CTNNA2: variants seen among roughly 807,000 people sequenced by gnomAD.
CTNNA2 encodes catenin alpha 2.
Under a neutral mutation model 101.0 loss-of-function variants are expected in CTNNA2, and 42 were observed. The ratio of observed to expected loss-of-function variants is 0.42; its 90% CI spans 0.32 to 0.54. The LOEUF is 0.54. Ranked by LOEUF, CTNNA2 falls within the 20% of genes least tolerant of loss-of-function variation. The pLI is 0.14. For synonymous variants in CTNNA2, 450 were observed against 456.4 expected, an observed-to-expected ratio of 0.99 and a Z score of 0.18; for missense variants, 871 against 1,223.1, an observed-to-expected ratio of 0.71 and a Z score of 4.29.
chr2:80,123,196 T>A lies in CTNNA2; in HGVS notation c.1056+213399T>A, dbSNP rs551833467. Among the ~76,000 whole-genome samples, 7 of 152,320 alleles carry A rather than the reference T, an allele frequency of 4.6e-5. No individual in the cohort carries two copies. In the South Asian group the frequency reaches 1.4e-3, roughly 32 times the overall value. ...CCTTTAGAAGCCAGTCGTTGGGCTTTGCCTCATTCAGCTCCCAAGCATTTC... is the reference window on the plus strand; with the variant it reads ...CCTTTAGAAGCCAGTCGTTGGGCTTAGCCTCATTCAGCTCCCAAGCATTTC... On this transcript the variant is annotated intron_variant, in intron 7 of 18. Coordinates refer to ENST00000402739, the MANE Select transcript of CTNNA2 (RefSeq NM_001282597.3).
intron 7 of CTNNA2, among the ~76,000 whole-genome samples, chr2:79,959,021 T>C (rs1689442660): frequency 6.6e-6 from 1 of 152,000 alleles, no homozygotes; most frequent in Non-Finnish European, 1.5e-5. Context: ...ACACCATTTG[T>C]AACCGTATCT....
chr2:79,304,878 A>G (rs546472948), intron 2 of CTNNA2, among the ~76,000 whole-genome samples: 5 of 152,326 alleles, frequency 3.3e-5, no homozygotes, highest in Middle Eastern at 3.4e-3. Flanking sequence ...ATTGCTGACT[A>G]AAGTAGTGGG....
At chr2:80,621,850 G>T (rs1237466475) in intron 18 of CTNNA2, among the ~76,000 whole-genome samples, 1 of 151,900 alleles carries the variant, frequency 6.6e-6, no homozygotes, top group African/African-American at 2.4e-5. Flanking sequence ...ACTTGGAAGT[G>T]AATACAGTAA....
chr2:79,491,235 C>G (rs1464008827), intron 4 of CTNNA2, among the ~76,000 whole-genome samples: 1 of 152,134 alleles, frequency 6.6e-6, no homozygotes. Flanking sequence ...TTGCATATGA[C>G]TTTGAAGCCC....
chr2:80,229,369 T>TA (rs1340779159), intron 7 of CTNNA2, among the ~76,000 whole-genome samples: 1 of 152,210 alleles, frequency 6.6e-6, no homozygotes, highest in Non-Finnish European at 1.5e-5. Flanking sequence ...ATTGACTGTC[T>TA]ATCAGAGGTC....
intron 7 of CTNNA2, among the ~76,000 whole-genome samples, chr2:80,151,906 T>C (rs1703723694): frequency 6.6e-6 from 1 of 152,234 alleles, no homozygotes; most frequent in Non-Finnish European, 1.5e-5. Context: ...ATCGCCAAAA[T>C]TACAGATGCT....
intron 7 of CTNNA2, among the ~76,000 whole-genome samples, chr2:80,064,813 A>G (rs907627548): frequency 3.9e-5 from 6 of 152,326 alleles, no homozygotes; most frequent in East Asian, 3.9e-4. Flanking sequence ...GTGGCTAAGT[A>G]TAGAATTGAG....
intron 7 of CTNNA2, among the ~76,000 whole-genome samples, chr2:79,921,825 A>T (rs1363302947): frequency 6.6e-6 from 1 of 152,132 alleles, no homozygotes; most frequent in Non-Finnish European, 1.5e-5. Context: ...TTTGGTGACT[A>T]TTGTAGGGAA....
At chr2:80,108,166 A>T (rs1050773897) in intron 7 of CTNNA2, among the ~76,000 whole-genome samples, 3 of 152,202 alleles carry the variant, frequency 2.0e-5, no homozygotes, top group African/African-American at 7.2e-5. Flanking sequence ...TGAAACATCT[A>T]GTAGTGGAAT....
chr2:79,878,373 A>G (rs1363341388), intron 6 of CTNNA2, among the ~76,000 whole-genome samples: 1 of 152,130 alleles, frequency 6.6e-6, no homozygotes, highest in Non-Finnish European at 1.5e-5. Context: ...CTGGTTCTAG[A>G]TCTGTAAGGA....
chr2:79,302,736 A>G (rs1373453712), intron 2 of CTNNA2, among the ~76,000 whole-genome samples: 6 of 152,168 alleles, frequency 3.9e-5, no homozygotes, highest in Admixed American at 3.9e-4. Context: ...TCTATTCGGC[A>G]CCAGGCATAA....
At chr2:79,908,432 C>T (rs1685566373) in intron 6 of CTNNA2, among the ~76,000 whole-genome samples, 1 of 152,102 alleles carries the variant, frequency 6.6e-6, no homozygotes, top group Non-Finnish European at 1.5e-5. Context: ...GTTCTTGGAC[C>T]TCTGAGAGTG....
intron 2 of CTNNA2, among the ~76,000 whole-genome samples, chr2:79,709,332 A>G (rs1685591839): frequency 6.6e-6 from 1 of 152,120 alleles, no homozygotes; most frequent in Non-Finnish European, 1.5e-5. Flanking sequence ...CAGAGAGGGG[A>G]AGAAGAAAAA....
intron 3 of CTNNA2, among the ~76,000 whole-genome samples, chr2:79,822,821 A>G (rs1678116998): frequency 6.6e-6 from 1 of 152,140 alleles, no homozygotes; most frequent in Non-Finnish European, 1.5e-5. Context: ...ACGCTTAAAG[A>G]CAAAACTCCT....
intron 7 of CTNNA2, among the ~76,000 whole-genome samples, chr2:80,285,045 T>G (rs1305437031): frequency 6.6e-6 from 1 of 152,140 alleles, no homozygotes; most frequent in Admixed American, 6.6e-5. Context: ...CTTCTAGACA[T>G]CACTTTCTTT....
intron 2 of CTNNA2, among the ~76,000 whole-genome samples, chr2:79,713,983 C>G (rs1206630455): frequency 6.6e-6 from 1 of 152,148 alleles, no homozygotes; most frequent in Admixed American, 6.5e-5. Flanking sequence ...AAAAAGCTCT[C>G]CCTTCCTCTG....
chr2:79,499,306 A>T (rs567302462), intron 4 of CTNNA2: 2 of 152,170 alleles, frequency 1.3e-5, no homozygotes, highest in Non-Finnish European at 2.9e-5. Context: ...TGAATCTCAT[A>T]AACTGAAGTC....
chr2:79,241,240 T>C (rs951123785), intron 2 of CTNNA2, among the ~76,000 whole-genome samples: 3 of 152,144 alleles, frequency 2.0e-5, no homozygotes, highest in African/African-American at 4.8e-5. Flanking sequence ...TTTTTCACAA[T>C]AGTCCTGAAA....
At chr2:80,053,828 AT>A (rs1438706135) in intron 7 of CTNNA2, among the ~76,000 whole-genome samples, 1 of 152,106 alleles carries the variant, frequency 6.6e-6, no homozygotes, top group Admixed American at 6.5e-5. Context: ...TCCAGTCTTT[AT>A]TTTTTCAGTG....
Sources: allele counts gnomAD v4.1 joint callset (sites outside exome capture counted in the v4.1 genomes callset), GRCh38; gene constraint gnomAD v4.1.1; transcripts MANE v1.5; gene names NCBI Gene and HGNC (gene_info 2026-07-23, HGNC 2026-07-21).